CDH18: variants seen among roughly 807,000 people sequenced by gnomAD.
CDH18 encodes the protein cadherin-18.
CDH18 carries 31 observed loss-of-function variants against 67.9 expected under a neutral mutation model. That is an observed-to-expected ratio of 0.46 (90% CI 0.34 to 0.62). The LOEUF (loss-of-function observed/expected upper bound fraction) is 0.62. CDH18 is among the 20% of genes least tolerant of loss of function. The pLI, the probability that CDH18 is intolerant of heterozygous loss-of-function variation, is 0.01. For missense variants in CDH18, 890 were observed against 975.5 expected (o/e 0.91, Z 1.17); for synonymous variants, 362 against 347.2 (o/e 1.04, Z -0.48).
rs1228925240 is a variant in CDH18, at chr5:19,874,520, C to T, written c.-256-35278G>A. On this transcript the variant is annotated intron_variant, in intron 2 of 12. Coordinates refer to ENST00000382275, the MANE Select transcript of CDH18 (RefSeq NM_004934.5). ...AAAGATAACAGTGAAATCTCCTTCT[C>T]GATCCTATAGTCTACATTTAACATC... Among the ~76,000 whole-genome samples, 5 of 152,274 alleles carry T rather than the reference C, an allele frequency of 3.3e-5. No individual in the cohort carries two copies. The East Asian group carries it at 7.7e-4, about 23-fold the overall frequency.
At chr5:19,638,546 GTTTTTTTTTTCT>G (rs1426714751) in intron 5 of CDH18, among the ~76,000 whole-genome samples, 2 of 149,336 alleles carry the variant, frequency 1.3e-5, no homozygotes, top group African/African-American at 4.9e-5. Context: ...TCTTTACTAA[GTTTTTTTTTTCT>G]TTTTTTTTTA....
intron 5 of CDH18, among the ~76,000 whole-genome samples, chr5:19,679,604 A>T (rs989359270): frequency 6.6e-6 from 1 of 151,990 alleles, no homozygotes; most frequent in African/African-American, 2.4e-5. Context: ...ACTTCGGTAA[A>T]GTTTCAATGT....
chr5:19,803,497 A>G (rs1215828935), intron 3 of CDH18, among the ~76,000 whole-genome samples: 2 of 152,172 alleles, frequency 1.3e-5, no homozygotes, highest in Non-Finnish European at 2.9e-5. Context: ...GCTAGTGACT[A>G]TCGTAATAGT....
chr5:20,510,770 G>A (rs1053204110), intron 1 of CDH18, among the ~76,000 whole-genome samples: 2 of 152,092 alleles, frequency 1.3e-5, no homozygotes, highest in South Asian at 4.1e-4. Flanking sequence ...AAGCAAGCAG[G>A]AAACTTGGAA....
At chr5:20,274,205 C>G (rs1200191896) in intron 1 of CDH18, among the ~76,000 whole-genome samples, 1 of 152,124 alleles carries the variant, frequency 6.6e-6, no homozygotes, top group Non-Finnish European at 1.5e-5. Context: ...ATTTGAACTT[C>G]TAGCCTCCAG....
intron 2 of CDH18, among the ~76,000 whole-genome samples, chr5:19,890,490 A>G (rs907190676): frequency 6.6e-6 from 1 of 152,152 alleles, no homozygotes. Flanking sequence ...GCTAAGCTCC[A>G]TTCAAAGATA....
chr5:20,204,369 G>C (rs542386503), intron 2 of CDH18, among the ~76,000 whole-genome samples: 1 of 151,940 alleles, frequency 6.6e-6, no homozygotes, highest in Non-Finnish European at 1.5e-5. Flanking sequence ...GAAAAAAAAA[G>C]TGCCATACAA....
At chr5:19,623,579 T>C (rs1561490007) in intron 5 of CDH18, among the ~76,000 whole-genome samples, 1 of 152,054 alleles carries the variant, frequency 6.6e-6, no homozygotes, top group Non-Finnish European at 1.5e-5. Context: ...ATTTTTATCT[T>C]ATTCTGCTTT....
intron 1 of CDH18, among the ~76,000 whole-genome samples, chr5:20,358,280 T>C (rs1741798053): frequency 6.6e-6 from 1 of 152,000 alleles, no homozygotes; most frequent in African/African-American, 2.4e-5. Context: ...GTAACAAATC[T>C]GCACAGGTAC....
chr5:20,055,952 C>A (rs539294866), intron 2 of CDH18, among the ~76,000 whole-genome samples: 9 of 148,968 alleles, frequency 6.0e-5, no homozygotes, highest in Admixed American at 4.7e-4. Flanking sequence ...GGGCTTGCAT[C>A]CACAGTTTAT....
At chr5:19,714,836 T>C (rs982417874) in intron 5 of CDH18, among the ~76,000 whole-genome samples, 1 of 152,000 alleles carries the variant, frequency 6.6e-6, no homozygotes, top group African/African-American at 2.4e-5. Flanking sequence ...TCCAAGAATC[T>C]ATGAATGATA....
intron 2 of CDH18, among the ~76,000 whole-genome samples, chr5:20,054,920 T>G (rs1415632823): frequency 6.6e-6 from 1 of 152,004 alleles, no homozygotes; most frequent in South Asian, 2.1e-4. Flanking sequence ...AAGACTGAGG[T>G]TAGAGGATGA....
chr5:19,787,367 G>C (rs934391404), intron 3 of CDH18, among the ~76,000 whole-genome samples: 1 of 151,814 alleles, frequency 6.6e-6, no homozygotes, highest in Non-Finnish European at 1.5e-5. Context: ...CAGGAGAATC[G>C]CTTGAACCTG....
At chr5:20,365,885 G>T (rs981488189) in intron 1 of CDH18, among the ~76,000 whole-genome samples, 1 of 151,954 alleles carries the variant, frequency 6.6e-6, no homozygotes, top group African/African-American at 2.4e-5. Flanking sequence ...GCATCATTTT[G>T]CTACTTCTAT....
intron 2 of CDH18, among the ~76,000 whole-genome samples, chr5:20,036,944 T>C (rs573548059): frequency 6.6e-6 from 1 of 152,182 alleles, no homozygotes; most frequent in East Asian, 1.9e-4. Flanking sequence ...ACCCCTGCTT[T>C]TTTTTTGCTT....
At chr5:19,971,150 C>T (rs868058437) in intron 2 of CDH18, among the ~76,000 whole-genome samples, 14 of 151,778 alleles carry the variant, frequency 9.2e-5, no homozygotes, top group Middle Eastern at 6.3e-3. Context: ...TGATGAAATG[C>T]TAGTCTACCA....
chr5:19,512,219 T>C (rs887637275), intron 10 of CDH18, among the ~76,000 whole-genome samples: 2 of 152,194 alleles, frequency 1.3e-5, no homozygotes, highest in Admixed American at 6.6e-5. Flanking sequence ...ATTATGAGAA[T>C]ATACTTTAAC....
Position 19,800,978 on chromosome 5 carries a change from T to C in CDH18, c.228+37781A>G, listed in dbSNP as rs1378712915. Among the ~76,000 whole-genome samples, 9 of 152,060 alleles carry C rather than the reference T, an allele frequency of 5.9e-5. No individual in the cohort carries two copies. In the East Asian group the frequency reaches 1.7e-3, roughly 29 times the overall value. On this transcript the variant is annotated intron_variant, in intron 3 of 12. Coordinates refer to ENST00000382275, the MANE Select transcript of CDH18 (RefSeq NM_004934.5). ...TATTAAAATACAAAAAATTAGCCGG[T>C]GTGGCAGCATGCACATGCAGTCCCA...
chr5:20,546,873 G>T (rs1757375217), intron 1 of CDH18, among the ~76,000 whole-genome samples: 1 of 151,968 alleles, frequency 6.6e-6, no homozygotes, highest in African/African-American at 2.4e-5. Flanking sequence ...CTCTCTTCTT[G>T]CAAATACAAT....
Sources: gnomAD v4.1 joint callset for allele counts (sites outside exome capture counted in the v4.1 genomes callset) on GRCh38, gnomAD v4.1.1 for gene constraint, MANE v1.5 for transcripts, NCBI Gene and HGNC (gene_info 2026-07-23, HGNC 2026-07-21) for gene names.